The following MAP3K19 variants were observed in gnomAD, a reference collection of about 807,000 sequenced individuals.
MAP3K19 encodes SPS1/STE20-related protein kinase YSK4.
In MAP3K19, 91 loss-of-function variants were observed where a neutral mutation model predicts 114.4. The observed-to-expected ratio is 0.80, with a 90% CI of 0.67 to 0.95. The LOEUF (loss-of-function observed/expected upper bound fraction) is 0.95. Among genes scored for constraint, MAP3K19 ranks in the 40% least tolerant of loss-of-function variants. The probability of loss-of-function intolerance (pLI) is 0.00; values close to 1 mark genes in which losing one functional copy is unlikely to be tolerated. For missense variants in MAP3K19, 1,471 were observed against 1,573.2 expected (o/e 0.94, Z 1.10); for synonymous variants, 518 against 530.5 (o/e 0.98, Z 0.32).
At chr2:134,993,870 G>A (rs889317800) in intron 8 of MAP3K19, among the ~76,000 whole-genome samples, 9 of 152,266 alleles carry the variant, frequency 5.9e-5, no homozygotes, top group African/African-American at 2.2e-4. Flanking sequence ...AAGTAGCCAG[G>A]TGTGGTGCCA....
rs1381984892 is a variant in MAP3K19 at position 135,023,969 on chromosome 2, A to G, written c.22+657T>C. The stretch of plus-strand genomic sequence containing the variant: ...CTCCATGGGCCCAGTTTCTTTATGT[A>G]TCTGACCTTCTGTTTCTCTTTTCCC... On this transcript the variant is annotated intron_variant, in intron 4 of 12. Coordinates refer to ENST00000392915, the MANE Select transcript of MAP3K19 (RefSeq NM_025052.5). Among the ~76,000 whole-genome samples the G allele has an allele frequency of 7.2e-5, 11 of 151,932 alleles. No individual in the cohort carries two copies. In the East Asian group the frequency reaches 1.9e-3, roughly 27 times the overall value.
In MAP3K19 at chr2:135,021,700, A is replaced by G. The variant is rs1357004834; in HGVS notation, c.138+15T>C. ...GAGTAGGCTGTCCGTTGTTTCTTTAAAGGGAGGCTCTTACCTCACTTCTGC... is the reference window on the plus strand; with the variant it reads ...GAGTAGGCTGTCCGTTGTTTCTTTAGAGGGAGGCTCTTACCTCACTTCTGC... On this transcript the variant is annotated intron_variant, in intron 5 of 12. Transcript: ENST00000392915. 1.3e-5 allele frequency: 19 copies of G among 1,509,048 alleles called. No individual in the cohort carries two copies. Among genetic ancestry groups the G allele is most frequent in the Admixed American group, 1.8e-5 (1 of 56,780 alleles). The allele number at this position is 1,509,048 out of a possible 1,614,324, so 93.5% of individuals were successfully genotyped here. A position where few individuals can be genotyped will look rare whatever the true frequency, so the allele number is the denominator to read the frequency against.
Position 135,027,513 on chromosome 2 carries a change from GCTGA to G in MAP3K19, c.-94-2776_-94-2773del, listed in dbSNP as rs573705493. Among the ~76,000 whole-genome samples, 159 of 152,260 alleles carry G rather than the reference GCTGA, an allele frequency of 1.0e-3. 1 individual carries two copies. Among genetic ancestry groups the G allele is most frequent in the African/African-American group, 3.6e-3 (151 of 41,546 alleles). On this transcript the variant is annotated intron_variant, in intron 3 of 12. Transcript: ENST00000392915. ...AATTGAATTGACACCCTTCAGCTGG[GCTGA>G]CTAACTGCTCATATTCACGCATGAT... is the stretch of plus-strand genomic sequence containing the variant.
chr2:135,014,417 T>C (rs1364185723), intron 5 of MAP3K19, among the ~76,000 whole-genome samples: 3 of 151,966 alleles, frequency 2.0e-5, no homozygotes, highest in African/African-American at 4.8e-5. Flanking sequence ...CTCAAACTCC[T>C]GGGCTCAAGT....
intron 9 of MAP3K19, chr2:134,991,250 G>C (rs987080628): frequency 2.9e-6 from 1 of 347,158 alleles, no homozygotes; most frequent in African/African-American, 2.1e-5. Context: ...GCAGTGAGCC[G>C]AGATTGCACC....
chr2:134,986,640 CTT>C lies in MAP3K19; in HGVS notation c.2230_2231del (p.Lys744GlufsTer7). The C allele has an allele frequency of 6.2e-7, 1 of 1,614,174 alleles. No homozygotes were observed. Among genetic ancestry groups the C allele is most frequent in the Non-Finnish European group, 8.5e-7 (1 of 1,180,032 alleles). ...QEHKVLISKE[K>X]SSKAVHSNLH... The stretch of plus-strand genomic sequence containing the variant: ...GGTTGCTATGTACAGCCTTGGAACT[CTT>C]TTCTTTAGAAATTAAGACTTTGTGC... On this transcript the variant is annotated frameshift_variant, in exon 10 of 13. Coordinates refer to ENST00000392915, the MANE Select transcript of MAP3K19 (RefSeq NM_025052.5). LOFTEE classifies it high-confidence loss of function.
At chr2:134,996,271 C>CT (rs61265758) in intron 8 of MAP3K19, among the ~76,000 whole-genome samples, 2,318 of 125,768 alleles carry the variant, frequency 0.018, 39 homozygotes, top group African/African-American at 0.04. Flanking sequence ...CTTCTTATTT[C>CT]TTTTTTTTTT....
intron 8 of MAP3K19, among the ~76,000 whole-genome samples, chr2:134,992,561 G>A (rs1229573461): frequency 2.0e-5 from 3 of 152,156 alleles, no homozygotes; most frequent in East Asian, 1.9e-4. Context: ...GCAGTAAATC[G>A]AGATCATATG....
chr2:134,998,667 C>G (rs1355552495), intron 8 of MAP3K19, 71 bp downstream of exon 8: 2 of 1,447,088 alleles, frequency 1.4e-6, no homozygotes, highest in Non-Finnish European at 1.9e-6. Context: ...GCATTTAGAA[C>G]AGTGCCTGGC....
At chr2:134,980,701 C>G (rs1022673388) in intron 12 of MAP3K19, 120 bp downstream of exon 12, 2 of 840,554 alleles carry the variant, frequency 2.4e-6, no homozygotes, top group African/African-American at 3.4e-5. Context: ...CACAAAATCA[C>G]TGTCTACTTG....
At chr2:135,006,846 G>A (rs114825974) in intron 5 of MAP3K19, among the ~76,000 whole-genome samples, 1,699 of 147,434 alleles carry the variant, frequency 0.012, 24 homozygotes, top group African/African-American at 0.04. Context: ...AAGAGAGAGA[G>A]AGAAAAAAGA....
At chr2:135,023,964 T>G (rs951207757) in intron 4 of MAP3K19, among the ~76,000 whole-genome samples, 1 of 152,200 alleles carries the variant, frequency 6.6e-6, no homozygotes, top group African/African-American at 2.4e-5. Flanking sequence ...CCAGTTTCTT[T>G]ATGTATCTGA....
chr2:134,983,035 A>T, intron 11 of MAP3K19: 1 of 358,652 alleles, frequency 2.8e-6, no homozygotes, highest in Non-Finnish European at 5.6e-6. Context: ...CACCTCAAAC[A>T]TTTGTCATTT....
intron 5 of MAP3K19, among the ~76,000 whole-genome samples, chr2:135,017,348 C>T (rs560427892): frequency 3.9e-5 from 6 of 152,256 alleles, no homozygotes; most frequent in South Asian, 2.1e-4. Flanking sequence ...GTAGTATAAA[C>T]GGGCTGCTGG....
At chr2:135,043,141 T>C (rs1688678514) in intron 1 of MAP3K19, among the ~76,000 whole-genome samples, 2 of 152,074 alleles carry the variant, frequency 1.3e-5, no homozygotes, top group Admixed American at 1.3e-4. Flanking sequence ...TGTGACTGAT[T>C]GACCATAGAC....
rs540082963 is a variant in MAP3K19 at position 134,982,418 on chromosome 2, C to T, written c.3223-900G>A. On this transcript the variant is annotated intron_variant, in intron 11 of 12. Transcript: ENST00000392915. ...CCAGGCTGGAGTGCAGTGGTGTGAT[C>T]TGGGCTCACTGCAACCTCTGCCCCG... 2.1e-5 allele frequency among the ~76,000 whole-genome samples: 3 copies of T among 146,184 alleles called. No homozygotes were observed. The East Asian group carries it at 6.1e-4, about 30-fold the overall frequency.
chr2:134,977,047 G>GAAAAA lies in MAP3K19; in HGVS notation c.3920+3769_3920+3773dup, dbSNP rs369837575. Among the ~76,000 whole-genome samples the GAAAAA allele has an allele frequency of 8.5e-3, 990 of 116,068 alleles. 13 individuals are homozygous for GAAAAA. The highest frequency in any genetic ancestry group is 0.03 in the African/African-American group (955 of 31,338). 76.1% of individuals were successfully genotyped at this position (116,068 alleles called of 152,430 possible). On this transcript the variant is annotated intron_variant, in intron 12 of 12. Coordinates refer to ENST00000392915, the MANE Select transcript of MAP3K19 (RefSeq NM_025052.5). ...GGTAACAAAGCAAGACTCCGTCTCG[G>GAAAAA]AAAAAAAAAAAAAAAAAAAATTCTT...
At chr2:135,000,159 T>A (rs1208589077) in intron 6 of MAP3K19, 144 bp from the exon 7 acceptor site, 6 of 627,118 alleles carry the variant, frequency 9.6e-6, no homozygotes, top group Non-Finnish European at 1.7e-5. Flanking sequence ...TTAGCCATCT[T>A]TGTATCTTTC....
At position 134,987,554 on chromosome 2, in the gene MAP3K19, G is replaced by A. The variant is rs767853702; in HGVS notation, c.1318C>T (p.Leu440Phe). 70 of 1,614,048 alleles carry A rather than the reference G, an allele frequency of 4.3e-5. No homozygotes were observed. In the Admixed American group the frequency reaches 1.1e-3, roughly 27 times the overall value. Residue 440 changes from leucine (L) to phenylalanine (F), a missense_variant, in exon 10 of 13, where the codon CTT becomes TTT. Physicochemically the swap from Leu to Phe is conservative, Grantham distance 22. Transcript: ENST00000392915. ...AAGACTACACTGGATAAGCTTTTAAGTACAGTACACTCTTCTAAAATATTG... is the reference window on the plus strand; with the variant it reads ...AAGACTACACTGGATAAGCTTTTAAATACAGTACACTCTTCTAAAATATTG... Reference protein sequence around the residue: ...PNNILEECTVLKSLSSVVFDD... With the variant: ...PNNILEECTVFKSLSSVVFDD...
Sources: allele counts gnomAD v4.1 joint callset (sites outside exome capture counted in the v4.1 genomes callset), GRCh38; gene constraint gnomAD v4.1.1; transcripts MANE v1.5; gene names NCBI Gene and HGNC (gene_info 2026-07-23, HGNC 2026-07-21).